The following PRSS3 variants were observed in gnomAD, a reference collection of about 807,000 sequenced individuals.
The protein encoded by PRSS3 is trypsin-3.
A neutral mutation model predicts 20.8 loss-of-function variants in PRSS3; 14 were observed. The observed-to-expected ratio is 0.67, with a 90% CI of 0.44 to 1.05. PRSS3 has a LOEUF of 1.05. Ranked by LOEUF, PRSS3 falls within the 50% of genes least tolerant of loss-of-function variation. The pLI is 0.00. For missense variants in PRSS3, 237 were observed against 306.4 expected, an observed-to-expected ratio of 0.77 and a Z score of 1.69; for synonymous variants, 91 against 117.6, an observed-to-expected ratio of 0.77 and a Z score of 1.46.
intron 1 of PRSS3, among the ~76,000 whole-genome samples, chr9:33,788,669 T>C (rs1824509324): frequency 6.6e-6 from 1 of 152,226 alleles, no homozygotes; most frequent in African/African-American, 2.4e-5. Flanking sequence ...TAACCAAGTA[T>C]GGTTCTGAAA....
chr9:33,760,983 G>A (rs1250362176), intron 1 of PRSS3, among the ~76,000 whole-genome samples: 3 of 152,160 alleles, frequency 2.0e-5, no homozygotes, highest in South Asian at 2.1e-4. Flanking sequence ...CAAATCAAAT[G>A]CCTCCCCCTC....
At chr9:33,771,310 T>C (rs1319445803) in intron 1 of PRSS3, among the ~76,000 whole-genome samples, 1 of 149,312 alleles carries the variant, frequency 6.7e-6, no homozygotes, top group East Asian at 1.9e-4. Context: ...GAGGGGTTTC[T>C]TTTCCTTTTT....
At chr9:33,797,170 T>C (rs994678272) in intron 2 of PRSS3, among the ~76,000 whole-genome samples, 1 of 151,948 alleles carries the variant, frequency 6.6e-6, no homozygotes, top group Non-Finnish European at 1.5e-5. Flanking sequence ...TACCAGTGAG[T>C]ATTTAACACT....
upstream of PRSS3, among the ~76,000 whole-genome samples, chr9:33,790,940 C>T (rs1217120098): frequency 6.6e-6 from 1 of 152,062 alleles, no homozygotes; most frequent in Admixed American, 6.6e-5. Context: ...ATAATCTAAG[C>T]CCATAAGAAA....
intron 1 of PRSS3, among the ~76,000 whole-genome samples, chr9:33,758,828 ATCAGT>A: frequency 6.6e-6 from 1 of 152,358 alleles, no homozygotes; most frequent in East Asian, 1.9e-4. Context: ...GGCTAAGCTC[ATCAGT>A]TCAGTTCAGT....
At chr9:33,794,608 C>T (rs1452108173), upstream of PRSS3, 3 of 1,016,990 alleles carry the variant, frequency 2.9e-6, no homozygotes, top group African/African-American at 4.9e-5. Context: ...AAAATCTCTA[C>T]CTACTGCTGA....
intron 1 of PRSS3, among the ~76,000 whole-genome samples, chr9:33,754,189 C>T (rs1397976205): frequency 6.6e-6 from 1 of 152,080 alleles, no homozygotes; most frequent in Non-Finnish European, 1.5e-5. Context: ...TCTCTTGCCT[C>T]AGCCTCCAAG....
At chr9:33,798,871 A>T (rs1183800250) in intron 4 of PRSS3, 157 bp from the exon 5 acceptor site, 6 of 1,131,314 alleles carry the variant, frequency 5.3e-6, no homozygotes, top group Non-Finnish European at 7.7e-6. Flanking sequence ...CTTGTGCTGC[A>T]CGCTGCCTGC....
chr9:33,779,657 A>G (rs1409820656), intron 1 of PRSS3, among the ~76,000 whole-genome samples: 4 of 152,266 alleles, frequency 2.6e-5, no homozygotes, highest in Admixed American at 2.0e-4. Context: ...TCACGAGTTC[A>G]GGAGATCGAG....
chr9:33,771,315 C>CTTT (rs540273522), intron 1 of PRSS3, among the ~76,000 whole-genome samples: 1 of 143,814 alleles, frequency 7.0e-6, no homozygotes. Context: ...GTTTCTTTTC[C>CTTT]TTTTTTTTTT....
intron 1 of PRSS3, among the ~76,000 whole-genome samples, chr9:33,770,986 G>A (rs969128019): frequency 1.3e-5 from 2 of 152,126 alleles, no homozygotes; most frequent in East Asian, 1.9e-4. Context: ...GAATTGAAAG[G>A]CAAACCTGTA....
intron 1 of PRSS3, among the ~76,000 whole-genome samples, chr9:33,758,210 A>AT (rs1009230657): frequency 6.6e-6 from 1 of 152,126 alleles, no homozygotes; most frequent in African/African-American, 2.4e-5. Context: ...AATCTGGCAT[A>AT]TTTTATACAT....
At chr9:33,796,431 G>T (rs796589746) in intron 1 of PRSS3, among the ~76,000 whole-genome samples, 1 of 121,874 alleles carries the variant, frequency 8.2e-6, no homozygotes, top group African/African-American at 3.2e-5. Context: ...AGAGATCTGA[G>T]CCCCTGCAGG....
rs573477849 is a variant in PRSS3, at chr9:33,777,682, T to G, written c.-52-17064T>G. Among the ~76,000 whole-genome samples, 176 of 145,278 alleles carry G rather than the reference T, an allele frequency of 1.2e-3. 2 individuals carry two copies. Among genetic ancestry groups the G allele is most frequent in the Admixed American group, 7.8e-4 (11 of 14,084 alleles). On this transcript the variant is annotated intron_variant, in intron 1 of 5. Transcript: ENST00000342836. Reference sequence around the variant, plus strand: ...GAGATCGCGCTACTGCACTCCACCCTGGGCGACAGAGCGAGACTGCGTCTC... The same window carrying G: ...GAGATCGCGCTACTGCACTCCACCCGGGGCGACAGAGCGAGACTGCGTCTC...
chr9:33,765,721 T>C (rs778356717), intron 1 of PRSS3, among the ~76,000 whole-genome samples: 3 of 152,240 alleles, frequency 2.0e-5, no homozygotes, highest in Non-Finnish European at 4.4e-5. Flanking sequence ...AATTTCTAAA[T>C]TATTTGTTTC....
chr9:33,754,216 C>T (rs1447595519), intron 1 of PRSS3, among the ~76,000 whole-genome samples: 6 of 151,936 alleles, frequency 3.9e-5, no homozygotes, highest in East Asian at 1.9e-4. Context: ...GGATTACAGG[C>T]GTGCACCACC....
At chr9:33,773,805 G>A (rs1162657837) in intron 1 of PRSS3, among the ~76,000 whole-genome samples, 1 of 150,670 alleles carries the variant, frequency 6.6e-6, no homozygotes, top group East Asian at 1.9e-4. Context: ...TCCATGCCCA[G>A]CTAATTTATT....
At chr9:33,761,629 C>A (rs1823211966) in intron 1 of PRSS3, among the ~76,000 whole-genome samples, 4 of 152,002 alleles carry the variant, frequency 2.6e-5, no homozygotes. Flanking sequence ...TAGCTTGAAC[C>A]CGGGAGGTGG....
intron 1 of PRSS3, among the ~76,000 whole-genome samples, chr9:33,787,661 A>G (rs1824467939): frequency 6.6e-6 from 1 of 152,240 alleles, no homozygotes; most frequent in African/African-American, 2.4e-5. Context: ...TGCTTGGGCC[A>G]TAGACTAAGC....
Sources: allele counts gnomAD v4.1 joint callset (sites outside exome capture counted in the v4.1 genomes callset), GRCh38; gene constraint gnomAD v4.1.1; transcripts MANE v1.5; gene names NCBI Gene and HGNC (gene_info 2026-07-23, HGNC 2026-07-21).